FRMD3: variants seen among roughly 807,000 people sequenced by gnomAD.
FRMD3 encodes the protein FERM domain-containing protein 3.
Under a neutral mutation model 70.2 loss-of-function variants are expected in FRMD3, and 33 were observed. The observed-to-expected ratio is 0.47, with a 90% CI of 0.36 to 0.63. The LOEUF is 0.63. Ranked by LOEUF, FRMD3 falls within the 20% of genes least tolerant of loss-of-function variation. The probability of loss-of-function intolerance (pLI) is 0.00; values close to 1 mark genes in which losing one functional copy is unlikely to be tolerated. For missense variants in FRMD3, 632 were observed against 711.4 expected, an observed-to-expected ratio of 0.89 and a Z score of 1.27; for synonymous variants, 279 against 255.9, an observed-to-expected ratio of 1.09 and a Z score of -0.86.
intron 1 of FRMD3, among the ~76,000 whole-genome samples, chr9:83,479,773 G>A (rs540996314): frequency 1.1e-4 from 8 of 71,224 alleles, no homozygotes; most frequent in African/African-American, 2.2e-4. Context: ...GAGGGAGGGA[G>A]GGAGGGAGGG....
At chr9:83,531,893 A>AGTTGAAAATGAAAATTTTTCT (rs1318789377) in intron 1 of FRMD3, among the ~76,000 whole-genome samples, 1 of 152,218 alleles carries the variant, frequency 6.6e-6, no homozygotes, top group Non-Finnish European at 1.5e-5. Context: ...CTCATTTTTC[A>AGTTGAAAATGAAAATTTTTCT]GTTGAAGAAC....
chr9:83,350,665 A>C lies in FRMD3; in HGVS notation c.296-908T>G, dbSNP rs527834639. On this transcript the variant is annotated intron_variant, in intron 3 of 13. Transcript: ENST00000304195. ...AAAGAAAGAAAAAGAAAAAGAAAGA[A>C]GAAAAAGAAAAAAAAGAAAAGAAAA... 3.8e-5 allele frequency: 24 copies of C among 637,062 alleles called. No homozygotes were observed. In the South Asian group the frequency reaches 1.6e-3, roughly 42 times the overall value. The allele number at this position is 637,062 out of a possible 1,614,324, so 39.5% of individuals were successfully genotyped here.
chr9:83,299,593 T>C (rs1834822166), intron 10 of FRMD3, among the ~76,000 whole-genome samples: 1 of 152,214 alleles, frequency 6.6e-6, no homozygotes, highest in Non-Finnish European at 1.5e-5. Context: ...GGCACTTTGC[T>C]GCCTATTCCT....
intron 13 of FRMD3, among the ~76,000 whole-genome samples, chr9:83,278,001 G>C (rs186184625): frequency 5.3e-5 from 8 of 152,324 alleles, no homozygotes; most frequent in Non-Finnish European, 2.9e-5. Flanking sequence ...ATAGTGTCAG[G>C]TGTTCTGAAG....
At chr9:83,531,140 C>G (rs545658841) in intron 1 of FRMD3, among the ~76,000 whole-genome samples, 1 of 152,158 alleles carries the variant, frequency 6.6e-6, no homozygotes, top group Non-Finnish European at 1.5e-5. Flanking sequence ...CACTACCAGT[C>G]TGAGGATAGA....
chr9:83,444,821 G>A (rs1827408342), intron 1 of FRMD3, among the ~76,000 whole-genome samples: 1 of 152,108 alleles, frequency 6.6e-6, no homozygotes, highest in South Asian at 2.1e-4. Context: ...TGTCTTCCAC[G>A]GGAACTGATG....
At chr9:83,497,295 G>C (rs551248680) in intron 1 of FRMD3, among the ~76,000 whole-genome samples, 201 of 152,158 alleles carry the variant, frequency 1.3e-3, no homozygotes, top group Admixed American at 3.9e-3. Flanking sequence ...GAGCACCTGT[G>C]CCCAAAAGAT....
chr9:83,391,052 C>T (rs1197871566), intron 1 of FRMD3, among the ~76,000 whole-genome samples: 1 of 152,144 alleles, frequency 6.6e-6, no homozygotes, highest in Non-Finnish European at 1.5e-5. Context: ...GGGTCAATGC[C>T]TTCCAAAAAG....
At position 83,256,346 on chromosome 9, in the gene FRMD3, T is replaced by G. The variant is rs114975408; in HGVS notation, c.1196-7830A>C. On this transcript the variant is annotated intron_variant, in intron 13 of 13. Coordinates refer to ENST00000304195, the MANE Select transcript of FRMD3 (RefSeq NM_174938.6). ...CAGAAAATTGGAATGGACCCCTTCC[T>G]TACACCATGTACAAAAACTAACTTA... Among the ~76,000 whole-genome samples the G allele has an allele frequency of 9.5e-3, 1,440 of 152,234 alleles. 23 individuals carry two copies. Among genetic ancestry groups the G allele is most frequent in the African/African-American group, 0.033 (1,366 of 41,528 alleles).
At chr9:83,333,677 G>C (rs1442126075) in intron 6 of FRMD3, among the ~76,000 whole-genome samples, 3 of 151,960 alleles carry the variant, frequency 2.0e-5, no homozygotes. Flanking sequence ...TCCTGCCCTG[G>C]TTCTCCATCC....
At position 83,490,786 on chromosome 9, in the gene FRMD3, TCTCTCTCTCTCTCACACA is replaced by T. The variant is rs1354782973; in HGVS notation, c.147+47281_147+47298del. Among the ~76,000 whole-genome samples the T allele has an allele frequency of 3.9e-3, 501 of 128,432 alleles. 3 individuals carry two copies. The highest frequency in any genetic ancestry group is 0.015 in the African/African-American group (476 of 31,992). The allele number at this position is 128,432 out of a possible 152,430, so 84.3% of individuals were successfully genotyped here. A position where few individuals can be genotyped will look rare whatever the true frequency, so the allele number is the denominator to read the frequency against. ...TCTTCTCTCTCTCTCTCTCTCTCTC[TCTCTCTCTCTCTCACACA>T]CACACACACACACACACACACACAC... On this transcript the variant is annotated intron_variant, in intron 1 of 13. Coordinates refer to ENST00000304195, the MANE Select transcript of FRMD3 (RefSeq NM_174938.6).
chr9:83,525,530 T>C (rs1371804864), intron 1 of FRMD3, among the ~76,000 whole-genome samples: 1 of 152,244 alleles, frequency 6.6e-6, no homozygotes, highest in Non-Finnish European at 1.5e-5. Context: ...AAGCTGCTCC[T>C]CATATAACAT....
At chr9:83,320,968 G>A (rs1013616676) in intron 6 of FRMD3, among the ~76,000 whole-genome samples, 2 of 152,082 alleles carry the variant, frequency 1.3e-5, no homozygotes, top group Non-Finnish European at 2.9e-5. Flanking sequence ...TCTGGTTTGT[G>A]AGTATATAGC....
Position 83,396,220 on chromosome 9 carries a change from T to A in FRMD3, c.148-6512A>T, listed in dbSNP as rs748541181. ...GAGAGGAAAACAACAATATGAGGAT[T>A]TGGAAGCAATGTCAAGTTCTCCAAT... On this transcript the variant is annotated intron_variant, in intron 1 of 13. Coordinates refer to ENST00000304195, the MANE Select transcript of FRMD3 (RefSeq NM_174938.6). Among the ~76,000 whole-genome samples the A allele has an allele frequency of 3.1e-4, 47 of 152,148 alleles. 1 individual carries two copies. The highest frequency in any genetic ancestry group is 6.6e-5 in the Admixed American group (1 of 15,264).
At chr9:83,452,451 C>T (rs560766182) in intron 1 of FRMD3, among the ~76,000 whole-genome samples, 3 of 146,956 alleles carry the variant, frequency 2.0e-5, no homozygotes, top group Admixed American at 7.1e-5. Context: ...TACTCATCCC[C>T]GTATGAACTA....
chr9:83,462,770 A>C (rs998708603), intron 1 of FRMD3, among the ~76,000 whole-genome samples: 4 of 152,196 alleles, frequency 2.6e-5, no homozygotes, highest in Admixed American at 1.3e-4. Flanking sequence ...AGAGGAAAAT[A>C]GGGAATAGAA....
intron 13 of FRMD3, chr9:83,279,040 G>A (rs1833882229): frequency 6.6e-6 from 1 of 152,174 alleles, no homozygotes; most frequent in African/African-American, 2.4e-5. Flanking sequence ...GATCACAAGG[G>A]ATGCTCTATT....
chr9:83,265,631 T>C (rs946141254), intron 13 of FRMD3, among the ~76,000 whole-genome samples: 2 of 152,188 alleles, frequency 1.3e-5, no homozygotes, highest in African/African-American at 2.4e-5. Context: ...TACACAATTA[T>C]TTGAAAAGAT....
intron 13 of FRMD3, 27 bp downstream of exon 13, chr9:83,290,576 G>A (rs1834377107): frequency 2.5e-6 from 4 of 1,613,628 alleles, no homozygotes; most frequent in African/African-American, 1.3e-5. Flanking sequence ...TGCAGCACCA[G>A]CATTTGGGAT....
Sources: gnomAD v4.1 joint callset for allele counts (sites outside exome capture counted in the v4.1 genomes callset) on GRCh38, gnomAD v4.1.1 for gene constraint, MANE v1.5 for transcripts, NCBI Gene and HGNC (gene_info 2026-07-23, HGNC 2026-07-21) for gene names.